ABHD12: variants seen among roughly 807,000 people sequenced by gnomAD.
The protein encoded by ABHD12 is lysophosphatidylserine lipase ABHD12.
Under a neutral mutation model 58.3 loss-of-function variants are expected in ABHD12, and 43 were observed. The observed-to-expected ratio is 0.74, with a 90% CI of 0.58 to 0.95. The LOEUF (loss-of-function observed/expected upper bound fraction) is 0.95, where lower values mean the gene tolerates loss of function less well. ABHD12 is among the 40% of genes least tolerant of loss of function. The pLI is 0.00. For synonymous variants in ABHD12, 219 were observed against 211.2 expected, an observed-to-expected ratio of 1.04 and a Z score of -0.32; for missense variants, 539 against 537.2, an observed-to-expected ratio of 1.00 and a Z score of -0.03.
chr20:25,308,332 C>G, intron 8 of ABHD12, 125 bp downstream of exon 8: 1 of 1,282,488 alleles, frequency 7.8e-7, no homozygotes, highest in Non-Finnish European at 1.1e-6. Context: ...GCTGGTCAGC[C>G]CCGGGCCCCC....
At chr20:25,351,316 A>G in intron 1 of ABHD12, among the ~76,000 whole-genome samples, 1 of 152,232 alleles carries the variant, frequency 6.6e-6, no homozygotes, top group East Asian at 1.9e-4. Flanking sequence ...GTGCTTGATG[A>G]ACCCATAATC....
At chr20:25,362,523 G>A (rs1490326100) in intron 1 of ABHD12, among the ~76,000 whole-genome samples, 2 of 136,380 alleles carry the variant, frequency 1.5e-5, no homozygotes, top group Non-Finnish European at 3.1e-5. Context: ...CTGAGATCGC[G>A]CCACTGCACT....
At position 25,323,342 on chromosome 20, in the gene ABHD12, G is replaced by A. The variant is rs147070618; in HGVS notation, c.405C>T (p.Asp135=). 7.4e-5 allele frequency: 119 copies of A among 1,613,482 alleles called. No individual in the cohort carries two copies. The highest frequency in any genetic ancestry group is 8.9e-5 in the Non-Finnish European group (105 of 1,179,530). Residue 135 remains aspartate, a synonymous_variant, in exon 3 of 13, where the codon GAC becomes GAT. Coordinates refer to ENST00000339157, the MANE Select transcript of ABHD12 (RefSeq NM_001042472.3). ...GCACTCACCAGACTCCAATGGTCAC[G>A]TCTTCCTCTGGCTGCAGGTAGTAGT... The part of the protein sequence containing the change: ...TCNYYLQPEE[D]VTIGVWHTVP...
chr20:25,355,430 C>A (rs922096828), intron 1 of ABHD12, among the ~76,000 whole-genome samples: 1 of 152,068 alleles, frequency 6.6e-6, no homozygotes, highest in Non-Finnish European at 1.5e-5. Context: ...GTTGCCACTT[C>A]CCCCTTTTTG....
intron 7 of ABHD12, 138 bp from the exon 8 acceptor site, chr20:25,308,632 G>T: frequency 1.8e-6 from 2 of 1,097,764 alleles, no homozygotes; most frequent in Admixed American, 2.0e-5. Flanking sequence ...GGGGGAAATG[G>T]AGATCCCTCT....
chr20:25,367,779 C>G (rs2089843671), intron 1 of ABHD12, among the ~76,000 whole-genome samples: 1 of 152,202 alleles, frequency 6.6e-6, no homozygotes, highest in African/African-American at 2.4e-5. Context: ...CCACATTTTG[C>G]TTATCCATTC....
chr20:25,296,472 G>A (rs756762820), downstream of ABHD12: 8 of 1,613,932 alleles, frequency 5.0e-6, no homozygotes, highest in Non-Finnish European at 6.8e-6. Flanking sequence ...GATCTGGGGT[G>A]TGGAGCCCTC....
At chr20:25,333,421 A>G (rs1433792614) in intron 2 of ABHD12, among the ~76,000 whole-genome samples, 2 of 124,374 alleles carry the variant, frequency 1.6e-5, no homozygotes, top group African/African-American at 5.4e-5. Flanking sequence ...TATTCCAATC[A>G]ACAGAAAAAG....
intron 5 of ABHD12, among the ~76,000 whole-genome samples, 153 bp downstream of exon 5, chr20:25,316,895 C>T (rs2088972335): frequency 1.3e-5 from 2 of 152,244 alleles, no homozygotes; most frequent in Non-Finnish European, 2.9e-5. Context: ...CCACTGCACT[C>T]CAGCCTGGGC....
At chr20:25,376,996 G>A (rs558372667) in intron 1 of ABHD12, among the ~76,000 whole-genome samples, 15 of 152,314 alleles carry the variant, frequency 9.8e-5, no homozygotes, top group East Asian at 7.7e-4. Context: ...CTCAGAGGCC[G>A]CCCTTCACCA....
At chr20:25,353,561 A>G (rs57734297) in intron 1 of ABHD12, among the ~76,000 whole-genome samples, 3,192 of 152,238 alleles carry the variant, frequency 0.021, 103 homozygotes, top group African/African-American at 0.072. Context: ...CCTAAGCCTG[A>G]CCCAGCTGTA....
intron 1 of ABHD12, among the ~76,000 whole-genome samples, chr20:25,372,640 G>C (rs985097071): frequency 6.6e-6 from 1 of 152,206 alleles, no homozygotes; most frequent in Non-Finnish European, 1.5e-5. Flanking sequence ...TTTCAGTACA[G>C]TCATGCAAAC....
chr20:25,339,277 A>G lies in ABHD12; in HGVS notation c.266T>C (p.Leu89Pro). The change falls in exon 2 of 13, where the codon CTC (leucine) becomes CCC (proline). Residue 89 changes from leucine to proline, a missense_variant. Physicochemically the swap from Leu to Pro is moderately conservative, Grantham distance 98 (BLOSUM62 -3). Coordinates refer to ENST00000339157, the MANE Select transcript of ABHD12 (RefSeq NM_001042472.3). ...CTGTATTCCAGGACATAGTTTGATG[A>G]GAAATGGAATGGCAATGTACAACCC... ...VLGLYIAIPFLIKLCPGIQAK... is the reference protein window; with the variant it reads ...VLGLYIAIPFPIKLCPGIQAK... 6.2e-7 allele frequency: 1 copy of G among 1,614,216 alleles called. No individual in the cohort carries two copies. The highest frequency in any genetic ancestry group is 1.1e-5 in the South Asian group (1 of 91,080).
chr20:25,322,243 T>C (rs551069684), intron 3 of ABHD12, among the ~76,000 whole-genome samples: 15 of 151,494 alleles, frequency 9.9e-5, no homozygotes, highest in African/African-American at 3.4e-4. Context: ...TGTAAACTTA[T>C]GGCTTAAAAA....
chr20:25,356,970 T>C (rs1489658245), intron 1 of ABHD12, among the ~76,000 whole-genome samples: 3 of 152,130 alleles, frequency 2.0e-5, no homozygotes, highest in African/African-American at 4.8e-5. Flanking sequence ...CTCTGCTCTC[T>C]ACAAATGAAC....
At chr20:25,361,413 T>C (rs1001350072) in intron 1 of ABHD12, among the ~76,000 whole-genome samples, 2 of 152,232 alleles carry the variant, frequency 1.3e-5, no homozygotes, top group African/African-American at 4.8e-5. Flanking sequence ...TGTTTTTTTT[T>C]GAGACAGAGT....
chr20:25,334,620 G>C (rs1209412898), intron 2 of ABHD12, among the ~76,000 whole-genome samples: 1 of 151,668 alleles, frequency 6.6e-6, no homozygotes, highest in South Asian at 2.1e-4. Flanking sequence ...TAGATCAATG[G>C]AACAGAACAG....
downstream of ABHD12, among the ~76,000 whole-genome samples, chr20:25,299,965 C>T (rs1043579670): frequency 2.0e-5 from 3 of 152,100 alleles, no homozygotes; most frequent in Admixed American, 6.6e-5. Flanking sequence ...GGAGTGTAAC[C>T]GCGAGGACCT....
chr20:25,319,676 G>A (rs1225695751), intron 4 of ABHD12, among the ~76,000 whole-genome samples: 2 of 152,190 alleles, frequency 1.3e-5, no homozygotes, highest in Non-Finnish European at 2.9e-5. Context: ...ATTCCCAAGA[G>A]CGCGAGGCAC....
Sources: gnomAD v4.1 joint callset for allele counts (sites outside exome capture counted in the v4.1 genomes callset) on GRCh38, gnomAD v4.1.1 for gene constraint, MANE v1.5 for transcripts, NCBI Gene and HGNC (gene_info 2026-07-23, HGNC 2026-07-21) for gene names.